GALNT13: variants seen among roughly 807,000 people sequenced by gnomAD.
GALNT13 encodes polypeptide N-acetylgalactosaminyltransferase 13, also known as UDP-GalNAc:polypeptide N-acetylgalactosaminyltransferase 13.
Under a neutral mutation model 64.2 loss-of-function variants are expected in GALNT13, and 28 were observed. The observed-to-expected ratio is 0.44, with a 90% CI of 0.32 to 0.60. GALNT13 has a LOEUF of 0.60. Ranked by LOEUF, GALNT13 falls within the 20% of genes least tolerant of loss-of-function variation. GALNT13 has a pLI of 0.05. For synonymous variants in GALNT13, 214 were observed against 224.6 expected (o/e 0.95, Z 0.42); for missense variants, 577 against 669.8 (o/e 0.86, Z 1.53).
chr2:154,042,695 C>CATATATATAT lies in GALNT13; in HGVS notation c.143-97623_143-97614dup, dbSNP rs70981696. Among the ~76,000 whole-genome samples, 187 of 107,938 alleles carry CATATATATAT rather than the reference C, an allele frequency of 1.7e-3. 10 individuals carry two copies. The highest frequency in any genetic ancestry group is 6.0e-3 in the Middle Eastern group (1 of 168). The allele number at this position is 107,938 out of a possible 152,430, so 70.8% of individuals were successfully genotyped here. ...CTTTACCCTAGTCCTTATCATTATGCATATATATATATATATATATATATA... is the reference window on the plus strand; with the variant it reads ...CTTTACCCTAGTCCTTATCATTATGCATATATATATATATATATATATATATATATATATA... On this transcript the variant is annotated intron_variant, in intron 3 of 12. Transcript: ENST00000392825.
chr2:154,292,783 G>A lies in GALNT13; in HGVS notation c.976-8626G>A, dbSNP rs185184645. Among the ~76,000 whole-genome samples the A allele has an allele frequency of 2.0e-3, 305 of 152,290 alleles. 4 individuals carry two copies. Among genetic ancestry groups the A allele is most frequent in the Non-Finnish European group, 3.7e-4 (25 of 68,026 alleles). ...AAGATTAATATAAAAACAAGCAGCT[G>A]CATGAATTTGGTACAACAGCTGTAA... is the stretch of plus-strand genomic sequence containing the variant. On this transcript the variant is annotated intron_variant, in intron 8 of 12. Transcript: ENST00000392825.
chr2:153,937,092 G>C (rs1315708958), intron 2 of GALNT13, among the ~76,000 whole-genome samples: 1 of 152,128 alleles, frequency 6.6e-6, no homozygotes, highest in Admixed American at 6.6e-5. Context: ...CATTTAAGAT[G>C]CTAAGACATA....
intron 12 of GALNT13, among the ~76,000 whole-genome samples, chr2:154,449,155 A>G (rs1366208622): frequency 6.6e-6 from 1 of 151,778 alleles, no homozygotes; most frequent in Admixed American, 6.6e-5. Flanking sequence ...GCTTGATTCC[A>G]TGTTTTGAAA....
chr2:153,835,725 T>C, the GALNT13 span, among the ~76,000 whole-genome samples: 3 of 152,118 alleles, frequency 2.0e-5, no homozygotes, highest in African/African-American at 7.2e-5. Context: ...TACATGATTA[T>C]TTTAGTGCTA....
At chr2:153,298,017 C>T in the GALNT13 span, among the ~76,000 whole-genome samples, 75 of 152,198 alleles carry the variant, frequency 4.9e-4, no homozygotes, top group Non-Finnish European at 9.9e-4. Flanking sequence ...TGGTTCTGAG[C>T]ATGTAATTTA....
At chr2:154,192,406 C>T (rs931565519) in intron 4 of GALNT13, among the ~76,000 whole-genome samples, 2 of 152,126 alleles carry the variant, frequency 1.3e-5, no homozygotes, top group East Asian at 1.9e-4. Context: ...CCCAGGGACC[C>T]GCCCTTCTCC....
chr2:153,962,022 T>C (rs898428937), intron 3 of GALNT13, among the ~76,000 whole-genome samples: 21 of 152,154 alleles, frequency 1.4e-4, no homozygotes, highest in African/African-American at 5.1e-4. Context: ...CCAGTTTATA[T>C]ATATGATTAA....
the GALNT13 span, among the ~76,000 whole-genome samples, chr2:153,767,977 TG>T: frequency 6.6e-6 from 1 of 152,198 alleles, no homozygotes; most frequent in Non-Finnish European, 1.5e-5. Flanking sequence ...TGTCTATTTT[TG>T]TTTTTGTTGC....
chr2:153,125,721 C>A, the GALNT13 span, among the ~76,000 whole-genome samples: 1 of 152,026 alleles, frequency 6.6e-6, no homozygotes, highest in Non-Finnish European at 1.5e-5. Flanking sequence ...ATTAAGAAGC[C>A]CTCTGCTAAC....
the GALNT13 span, among the ~76,000 whole-genome samples, chr2:153,724,148 C>T: frequency 1.4e-5 from 2 of 141,150 alleles, no homozygotes; most frequent in African/African-American, 5.8e-5. Context: ...AGAAATAACG[C>T]CACATACCTA....
the GALNT13 span, among the ~76,000 whole-genome samples, chr2:153,577,472 C>T: frequency 4.6e-5 from 7 of 151,988 alleles, no homozygotes; most frequent in African/African-American, 1.7e-4. Flanking sequence ...GAGCTGTTTC[C>T]TTTATCAGAA....
At chr2:153,545,528 A>G in the GALNT13 span, among the ~76,000 whole-genome samples, 13 of 152,142 alleles carry the variant, frequency 8.5e-5, no homozygotes, top group Non-Finnish European at 1.8e-4. Flanking sequence ...AGCAGTCTGT[A>G]CCCTGGCTGC....
chr2:153,829,032 C>G, the GALNT13 span, among the ~76,000 whole-genome samples: 1 of 152,166 alleles, frequency 6.6e-6, no homozygotes, highest in Non-Finnish European at 1.5e-5. Context: ...TTCCTCATCT[C>G]CATCTGAGAC....
intron 11 of GALNT13, among the ~76,000 whole-genome samples, chr2:154,412,382 T>C (rs1204541530): frequency 6.6e-6 from 1 of 151,844 alleles, no homozygotes; most frequent in East Asian, 1.9e-4. Context: ...TATTCTTTTA[T>C]GTTACCATGG....
chr2:153,485,948 G>GT, the GALNT13 span, among the ~76,000 whole-genome samples: 13 of 151,588 alleles, frequency 8.6e-5, no homozygotes, highest in African/African-American at 2.9e-4. Flanking sequence ...TGTTTTTTTG[G>GT]TTTTTTTTCC....
the GALNT13 span, among the ~76,000 whole-genome samples, chr2:153,741,825 A>G: frequency 1.7e-4 from 26 of 152,126 alleles, no homozygotes; most frequent in Admixed American, 3.3e-4. Flanking sequence ...TCTCTTTTAA[A>G]AAATTAATTT....
chr2:153,382,536 G>T, the GALNT13 span, among the ~76,000 whole-genome samples: 56 of 152,048 alleles, frequency 3.7e-4, no homozygotes, highest in Non-Finnish European at 1.5e-5. Flanking sequence ...AGTATTCCAT[G>T]GTGTATATGT....
the GALNT13 span, among the ~76,000 whole-genome samples, chr2:153,304,947 G>T: frequency 0.028 from 4,328 of 152,276 alleles, 78 homozygotes; most frequent in Non-Finnish European, 0.042. Context: ...TGAGGGTTAA[G>T]GGGTGGGTAT....
At chr2:153,576,264 G>A in the GALNT13 span, among the ~76,000 whole-genome samples, 3 of 152,110 alleles carry the variant, frequency 2.0e-5, no homozygotes, top group Non-Finnish European at 2.9e-5. Flanking sequence ...TGCCCCGGCT[G>A]GTCTCTTAGT....
Sources: allele counts gnomAD v4.1 joint callset (sites outside exome capture counted in the v4.1 genomes callset), GRCh38; gene constraint gnomAD v4.1.1; transcripts MANE v1.5; gene names NCBI Gene and HGNC (gene_info 2026-07-23, HGNC 2026-07-21).